The following FAM3B variants were observed in gnomAD, a reference collection of about 807,000 sequenced individuals.
The protein encoded by FAM3B is FAM3 metabolism regulating signaling molecule B.
FAM3B carries 29 observed loss-of-function variants against 28.4 expected under a neutral mutation model. That is an observed-to-expected ratio of 1.02 (90% CI 0.76 to 1.39). The LOEUF (loss-of-function observed/expected upper bound fraction) is 1.39. Among genes scored for constraint, FAM3B ranks in the 40% most tolerant of loss-of-function variants. The probability of loss-of-function intolerance (pLI) is 0.00; values close to 1 mark genes in which losing one functional copy is unlikely to be tolerated. For synonymous variants in FAM3B, 91 were observed against 103.0 expected (o/e 0.88, Z 0.71); for missense variants, 266 against 293.9 (o/e 0.91, Z 0.69).
At chr21:41,328,367 TATTAAATTGA>T (rs1197380438) in intron 2 of FAM3B, among the ~76,000 whole-genome samples, 1 of 152,106 alleles carries the variant, frequency 6.6e-6, no homozygotes, top group East Asian at 1.9e-4. Context: ...TGAGTATAAT[TATTAAATTGA>T]AAAAAGGTAC....
intron 7 of FAM3B, among the ~76,000 whole-genome samples, chr21:41,355,865 G>A (rs916258373): frequency 6.6e-6 from 1 of 152,066 alleles, no homozygotes; most frequent in Non-Finnish European, 1.5e-5. Context: ...ATATAAAAAG[G>A]GATATATTAC....
In FAM3B at chr21:41,316,883, C is replaced by T; in HGVS notation, c.4C>T (p.Arg2Cys). ...GGAGGGGAGCGGCACCTGGAAGATGCGCCCATTGGCTGGTGGTGAGTGCGC... is the reference window on the plus strand; with the variant it reads ...GGAGGGGAGCGGCACCTGGAAGATGTGCCCATTGGCTGGTGGTGAGTGCGC... M[R>C]PLAGGLLKVV... Residue 2 changes from arginine to cysteine, a missense_variant, in exon 1 of 8, where the codon CGC becomes TGC. Coordinates refer to ENST00000357985, the MANE Select transcript of FAM3B (RefSeq NM_058186.4). 5.7e-6 allele frequency: 8 copies of T among 1,402,184 alleles called. No homozygotes were observed. The highest frequency in any genetic ancestry group is 3.2e-5 in the Admixed American group (1 of 30,966). 86.9% of individuals were successfully genotyped at this position (1,402,184 alleles called of 1,614,324 possible).
chr21:41,341,219 G>A (rs993904531), intron 3 of FAM3B, among the ~76,000 whole-genome samples: 8 of 152,038 alleles, frequency 5.3e-5, no homozygotes, highest in South Asian at 2.1e-4. Context: ...TCCATAGCAC[G>A]GATGTGTCAT....
chr21:41,317,371 T>G (rs1252021641), intron 1 of FAM3B, among the ~76,000 whole-genome samples: 1 of 151,838 alleles, frequency 6.6e-6, no homozygotes, highest in African/African-American at 2.4e-5. Context: ...AAGGCTGTTT[T>G]TATTTTTTCC....
intron 7 of FAM3B, among the ~76,000 whole-genome samples, chr21:41,352,488 C>A (rs2089129475): frequency 6.6e-6 from 1 of 152,000 alleles, no homozygotes; most frequent in Admixed American, 6.6e-5. Flanking sequence ...GGTGCATTAT[C>A]ACATTAGAAA....
chr21:41,336,086 G>A (rs74427108), intron 2 of FAM3B, among the ~76,000 whole-genome samples: 6,071 of 152,224 alleles, frequency 0.04, 306 homozygotes, highest in African/African-American at 0.1. Context: ...ATTAGCACCC[G>A]TATAAAAGAG....
At position 41,348,321 on chromosome 21, in the gene FAM3B, A is replaced by ACAAG. The variant is rs140301751; in HGVS notation, c.486-270_486-267dup. ...TGAGCCTGAGATTGAACCCCAAAGCACAAGGGCTTTCCAGAATTGAGAAGT... is the reference window on the plus strand; with the variant it reads ...TGAGCCTGAGATTGAACCCCAAAGCACAAGCAAGGGCTTTCCAGAATTGAGAAGT... On this transcript the variant is annotated intron_variant, in intron 6 of 7. Coordinates refer to ENST00000357985, the MANE Select transcript of FAM3B (RefSeq NM_058186.4). Among the ~76,000 whole-genome samples the ACAAG allele has an allele frequency of 1.4e-3, 217 of 152,340 alleles. 2 individuals are homozygous for ACAAG. The highest frequency in any genetic ancestry group is 5.1e-3 in the African/African-American group (211 of 41,586).
At chr21:41,348,105 C>T (rs1031011689) in intron 6 of FAM3B, among the ~76,000 whole-genome samples, 21 of 152,198 alleles carry the variant, frequency 1.4e-4, no homozygotes, top group African/African-American at 4.6e-4. Flanking sequence ...CTGTCACTTC[C>T]TCTAAATCTT....
intron 6 of FAM3B, 68 bp downstream of exon 6, chr21:41,347,168 C>A: frequency 7.8e-7 from 1 of 1,285,464 alleles, no homozygotes; most frequent in Non-Finnish European, 1.1e-6. Context: ...CTGCCAGGGT[C>A]TCTCAGTGAC....
chr21:41,316,692 GC>G (rs969195697), upstream of FAM3B: 18 of 420,386 alleles, frequency 4.3e-5, no homozygotes, highest in African/African-American at 3.1e-4. Flanking sequence ...CACCTGCCCC[GC>G]CCACGCCCGC....
intron 2 of FAM3B, among the ~76,000 whole-genome samples, chr21:41,337,224 G>T (rs1056011531): frequency 6.6e-5 from 10 of 152,186 alleles, no homozygotes; most frequent in African/African-American, 2.2e-4. Flanking sequence ...CAAACTTAAG[G>T]TGAGAGAGTG....
intron 2 of FAM3B, among the ~76,000 whole-genome samples, chr21:41,335,639 C>A (rs1025347714): frequency 2.0e-5 from 3 of 152,148 alleles, no homozygotes; most frequent in Non-Finnish European, 4.4e-5. Flanking sequence ...GAACCATGAG[C>A]CAATTAAATC....
intron 2 of FAM3B, among the ~76,000 whole-genome samples, chr21:41,336,987 T>A (rs1568918423): frequency 1.3e-5 from 2 of 152,234 alleles, no homozygotes; most frequent in Non-Finnish European, 2.9e-5. Context: ...CTCATCTGTG[T>A]CTTTTGATTA....
At position 41,330,266 on chromosome 21, in the gene FAM3B, T is replaced by G. The variant is rs548219059; in HGVS notation, c.163+7200T>G. ...CAAGGAAATATTCATCAGAGCGTTTTGGATTTTGGATTTTCAGGTTGGGGG... is the reference window on the plus strand; with the variant it reads ...CAAGGAAATATTCATCAGAGCGTTTGGGATTTTGGATTTTCAGGTTGGGGG... On this transcript the variant is annotated intron_variant, in intron 2 of 7. Coordinates refer to ENST00000357985, the MANE Select transcript of FAM3B (RefSeq NM_058186.4). Among the ~76,000 whole-genome samples the G allele has an allele frequency of 2.4e-4, 36 of 152,314 alleles. No individual in the cohort carries two copies. In the South Asian group the frequency reaches 7.5e-3, roughly 32 times the overall value.
intron 2 of FAM3B, among the ~76,000 whole-genome samples, chr21:41,329,054 G>A (rs892915489): frequency 1.3e-5 from 2 of 152,162 alleles, no homozygotes; most frequent in African/African-American, 2.4e-5. Context: ...ATACGTATAC[G>A]TTGTGGAATG....
In FAM3B at chr21:41,311,279, T is replaced by A. The variant is rs866876201; in HGVS notation, n.99+6969T>A. On this transcript the variant is annotated intron_variant and non_coding_transcript_variant, in intron 1 of 9. Transcript: ENST00000479810. Reference sequence around the variant, plus strand: ...ATATATATATATATATATATATATATATATATATATATATATATGTATATA... The same window carrying A: ...ATATATATATATATATATATATATAAATATATATATATATATATGTATATA... Among the ~76,000 whole-genome samples the A allele has an allele frequency of 4.8e-3, 420 of 88,120 alleles. 13 individuals carry two copies. The highest frequency in any genetic ancestry group is 6.9e-3 in the Non-Finnish European group (309 of 44,514). The allele number at this position is 88,120 out of a possible 152,430, so 57.8% of individuals were successfully genotyped here. A position where few individuals can be genotyped will look rare whatever the true frequency, so the allele number is the denominator to read the frequency against.
chr21:41,320,833 C>T (rs2088796763), intron 1 of FAM3B: 1 of 152,340 alleles, frequency 6.6e-6, no homozygotes, highest in South Asian at 2.1e-4. Flanking sequence ...CATCAGGACC[C>T]GCCATGGGCT....
intron 3 of FAM3B, among the ~76,000 whole-genome samples, chr21:41,340,055 G>A (rs1016771187): frequency 6.6e-6 from 1 of 152,096 alleles, no homozygotes; most frequent in African/African-American, 2.4e-5. Flanking sequence ...TCTAAAGGCG[G>A]GGGAGCCTGA....
intron 1 of FAM3B, among the ~76,000 whole-genome samples, chr21:41,307,187 C>G (rs1368460630): frequency 2.0e-5 from 3 of 152,252 alleles, no homozygotes; most frequent in African/African-American, 7.2e-5. Flanking sequence ...GCACTTGCTG[C>G]CTTACCTTTC....
Sources: gnomAD v4.1 joint callset for allele counts (sites outside exome capture counted in the v4.1 genomes callset) on GRCh38, gnomAD v4.1.1 for gene constraint, MANE v1.5 for transcripts, NCBI Gene and HGNC (gene_info 2026-07-23, HGNC 2026-07-21) for gene names.